Variants in YWHAG observed in about 807,000 individuals in gnomAD.
YWHAG encodes tyrosine 3-monooxygenase/tryptophan 5-monooxygenase activation protein gamma.
A neutral mutation model predicts 23.3 loss-of-function variants in YWHAG; 1 was observed. The observed-to-expected ratio is 0.04, with a 90% CI of 0.02 to 0.20. YWHAG has a LOEUF of 0.20. Among genes scored for constraint, YWHAG ranks in the 10% least tolerant of loss-of-function variants. The probability of loss-of-function intolerance (pLI) is 1.00; values close to 1 mark genes in which losing one functional copy is unlikely to be tolerated. For missense variants in YWHAG, 151 were observed against 338.6 expected, an observed-to-expected ratio of 0.45 and a Z score of 4.35; for synonymous variants, 160 against 144.0, an observed-to-expected ratio of 1.11 and a Z score of -0.80.
intron 1 of YWHAG, among the ~76,000 whole-genome samples, chr7:76,343,281 T>C (rs1278341425): frequency 6.6e-6 from 1 of 150,572 alleles, no homozygotes; most frequent in East Asian, 2.0e-4. Flanking sequence ...CAGGATGGCC[T>C]CCACATTAGC....
intron 1 of YWHAG, among the ~76,000 whole-genome samples, chr7:76,356,267 G>T (rs1803954459): frequency 6.6e-6 from 1 of 152,086 alleles, no homozygotes; most frequent in Admixed American, 6.5e-5. Flanking sequence ...ATTTCTTATT[G>T]AATCCGCACA....
Position 76,358,772 on chromosome 7 carries a change from G to A in YWHAG, c.37C>T (p.Leu13=). ...TCGTAGCGCTCCGCCTGCTCGGCCA[G>A]CCGGGCTTTCTGCACCAGTTGCTCG... ...DREQLVQKAR[L]AEQAERYDDM... is the part of the protein sequence containing the mutation. Residue 13 remains leucine, a synonymous_variant, in exon 1 of 2, where the codon CTG becomes TTG. Coordinates refer to ENST00000307630, the MANE Select transcript of YWHAG (RefSeq NM_012479.4). 1.3e-6 allele frequency: 2 copies of A among 1,596,782 alleles called. No homozygotes were observed. Among genetic ancestry groups the A allele is most frequent in the Middle Eastern group, 1.7e-4 (1 of 5,970 alleles).
rs952360936 is a variant in YWHAG at position 76,349,860 on chromosome 7, G to C, written c.87+8862C>G. 2.0e-5 allele frequency among the ~76,000 whole-genome samples: 3 copies of C among 152,152 alleles called. No homozygotes were observed. In the East Asian group the frequency reaches 5.8e-4, roughly 29 times the overall value. ...AATGCAAAAATTAGCCAGGCGTGGT[G>C]GTGGGCACCTGTAATCCCAGCTACT... On this transcript the variant is annotated intron_variant, in intron 1 of 1. Coordinates refer to ENST00000307630, the MANE Select transcript of YWHAG (RefSeq NM_012479.4).
In YWHAG at chr7:76,329,595, G is replaced by A. The variant is rs73703133; in HGVS notation, c.726C>T (p.Gly242=). Residue 242 remains glycine (G), a synonymous_variant, in exon 2 of 2, where the codon GGC becomes GGT. Transcript: ENST00000307630. This position sits in a 1 kb window ranked among gnomAD's most constrained non-coding sequence, Gnocchi z 6.1. The part of the protein sequence containing the change: ...LWTSDQQDDD[G]GEGNN ...TGGGGCCTTAATTGTTGCCTTCGCCGCCATCGTCGTCCTGCTGGTCGCTCG... is the reference window on the plus strand; with the variant it reads ...TGGGGCCTTAATTGTTGCCTTCGCCACCATCGTCGTCCTGCTGGTCGCTCG... 1.3e-3 allele frequency: 2,101 copies of A among 1,606,706 alleles called. 23 individuals are homozygous for A. In the African/African-American group the frequency reaches 0.024, roughly 18 times the overall value.
chr7:76,339,579 C>T (rs2115614855), intron 1 of YWHAG, among the ~76,000 whole-genome samples: 2 of 152,222 alleles, frequency 1.3e-5, no homozygotes, highest in South Asian at 4.2e-4. Flanking sequence ...AGAATACATT[C>T]TATACTGTTG....
At chr7:76,353,376 C>A (rs60901031) in intron 1 of YWHAG, among the ~76,000 whole-genome samples, 3,053 of 152,158 alleles carry the variant, frequency 0.02, 84 homozygotes, top group African/African-American at 0.07. Flanking sequence ...CCATGCCCAG[C>A]TAATTTTTTG....
intron 1 of YWHAG, among the ~76,000 whole-genome samples, chr7:76,333,545 G>T (rs1041808033): frequency 6.6e-6 from 1 of 152,116 alleles, no homozygotes; most frequent in African/African-American, 2.4e-5. Flanking sequence ...TTCCTGTATC[G>T]AGTGTCTCTT....
intron 1 of YWHAG, among the ~76,000 whole-genome samples, chr7:76,355,074 G>A (rs1803932457): frequency 6.6e-6 from 1 of 152,192 alleles, no homozygotes; most frequent in Non-Finnish European, 1.5e-5. Flanking sequence ...CCAGCCAGCT[G>A]TAGTCCAGAC....
intron 1 of YWHAG, among the ~76,000 whole-genome samples, chr7:76,331,286 GGGAGA>G (rs112289084): frequency 2.1e-4 from 31 of 150,302 alleles, no homozygotes; most frequent in Admixed American, 6.0e-4. Flanking sequence ...GCTGGGGATG[GGGAGA>G]GGAGAGGAGA....
At chr7:76,358,629 T>A in intron 1 of YWHAG, 93 bp downstream of exon 1, 1 of 1,304,534 alleles carries the variant, frequency 7.7e-7, no homozygotes, top group Non-Finnish European at 1.0e-6. Context: ...CAACCCGCCA[T>A]CGCGACAGGG....
At position 76,327,861 on chromosome 7, in the gene YWHAG, A is replaced by G. The variant is rs1227170208; in HGVS notation, c.*1716T>C. 1 of 152,148 alleles carries G rather than the reference A, an allele frequency of 6.6e-6. No individual in the cohort carries two copies. The highest frequency in any genetic ancestry group is 1.5e-5 in the Non-Finnish European group (1 of 68,036). 9.4% of individuals were successfully genotyped at this position (152,148 alleles called of 1,614,324 possible). A position where few individuals can be genotyped will look rare whatever the true frequency, so the allele number is the denominator to read the frequency against. ...TGCTGGGTAAACTGTGCGATGTTAC[A>G]GAGCACATTGAGTCTGTGGTCATCG... On this transcript the variant is annotated 3_prime_UTR_variant, in exon 2 of 2. Coordinates refer to ENST00000307630, the MANE Select transcript of YWHAG (RefSeq NM_012479.4).
chr7:76,345,100 T>C (rs1003372858), intron 1 of YWHAG, among the ~76,000 whole-genome samples: 2 of 151,516 alleles, frequency 1.3e-5, no homozygotes, highest in African/African-American at 4.9e-5. Context: ...TTGAAGTCAC[T>C]ACAAACGGCC....
At chr7:76,346,135 C>T (rs1183788055) in intron 1 of YWHAG, among the ~76,000 whole-genome samples, 1 of 152,204 alleles carries the variant, frequency 6.6e-6, no homozygotes, top group East Asian at 1.9e-4. Context: ...CGACCCCAGG[C>T]ATCCAGTGCT....
intron 1 of YWHAG, among the ~76,000 whole-genome samples, chr7:76,334,298 G>C (rs989862319): frequency 2.0e-5 from 3 of 152,172 alleles, no homozygotes; most frequent in African/African-American, 7.2e-5. Context: ...AAAAGAACAA[G>C]TTATTCTAAT....
chr7:76,335,590 CTT>C (rs1197324405), intron 1 of YWHAG, among the ~76,000 whole-genome samples: 1 of 152,190 alleles, frequency 6.6e-6, no homozygotes, highest in Non-Finnish European at 1.5e-5. Context: ...ACTTAGATGA[CTT>C]TCTGACCTTA....
In YWHAG at chr7:76,355,916, T is replaced by C. The variant is rs11977035; in HGVS notation, c.87+2806A>G. 1.4e-3 allele frequency among the ~76,000 whole-genome samples: 217 copies of C among 152,324 alleles called. 1 individual carries two copies. Among genetic ancestry groups the C allele is most frequent in the African/African-American group, 4.9e-3 (205 of 41,570 alleles). On this transcript the variant is annotated intron_variant, in intron 1 of 1. Coordinates refer to ENST00000307630, the MANE Select transcript of YWHAG (RefSeq NM_012479.4). ...GTCTAATACGTAGGATACATCTAGG[T>C]GTTCACTCTCCTTCAATACAAGACT...
intron 1 of YWHAG, among the ~76,000 whole-genome samples, chr7:76,352,086 A>T (rs952004254): frequency 6.6e-6 from 1 of 152,214 alleles, no homozygotes; most frequent in African/African-American, 2.4e-5. Context: ...TCACTGCTTC[A>T]TGTTAGATTG....
At chr7:76,347,011 C>CCTGGCTATT (rs1342615334) in intron 1 of YWHAG, among the ~76,000 whole-genome samples, 2 of 152,134 alleles carry the variant, frequency 1.3e-5, no homozygotes, top group African/African-American at 4.8e-5. Context: ...ATGCCCTCTG[C>CCTGGCTATT]CTGGCTATTC....
chr7:76,353,156 G>A (rs950958168), intron 1 of YWHAG, among the ~76,000 whole-genome samples: 2 of 152,016 alleles, frequency 1.3e-5, no homozygotes, highest in African/African-American at 4.8e-5. Flanking sequence ...ACAAAATCAT[G>A]GTAGCAAACC....
Sources: gnomAD v4.1 joint callset for allele counts (sites outside exome capture counted in the v4.1 genomes callset) on GRCh38, gnomAD v4.1.1 for gene constraint, Gnocchi (gnomAD v3.1) non-coding constraint, MANE v1.5 for transcripts, NCBI Gene and HGNC (gene_info 2026-07-23, HGNC 2026-07-21) for gene names.